Variants in HS6ST3 observed in about 807,000 individuals in gnomAD.
The protein encoded by HS6ST3 is heparan sulfate 6-O-sulfotransferase 3, also known as heparan-sulfate 6-O-sulfotransferase 3.
In HS6ST3, 12 loss-of-function variants were observed where a neutral mutation model predicts 36.7. The ratio of observed to expected loss-of-function variants is 0.33; its 90% CI spans 0.21 to 0.53. The LOEUF is 0.53. Among genes scored for constraint, HS6ST3 ranks in the 20% least tolerant of loss-of-function variants. The pLI is 0.95. For synonymous variants in HS6ST3, 240 were observed against 257.5 expected (o/e 0.93, Z 0.65); for missense variants, 584 against 640.9 (o/e 0.91, Z 0.96).
chr13:96,482,796 C>T (rs1170823958), intron 1 of HS6ST3, among the ~76,000 whole-genome samples: 4 of 152,186 alleles, frequency 2.6e-5, no homozygotes, highest in Admixed American at 2.0e-4. Context: ...TTAGTTGTTC[C>T]TAGCAGAGCC....
Position 96,260,258 on chromosome 13 carries a change from CCTTCCTTCCTTT to C in HS6ST3, c.707+168694_707+168705del, listed in dbSNP as rs548613914. 5.1e-3 allele frequency among the ~76,000 whole-genome samples: 490 copies of C among 96,440 alleles called. 5 individuals carry two copies. Among genetic ancestry groups the C allele is most frequent in the African/African-American group, 0.015 (468 of 30,300 alleles). The allele number at this position is 96,440 out of a possible 152,430, so 63.3% of individuals were successfully genotyped here. On this transcript the variant is annotated intron_variant, in intron 1 of 1. Coordinates refer to ENST00000376705, the MANE Select transcript of HS6ST3 (RefSeq NM_153456.4). ...TCCTTCCTTCCTTCCTTCCTTCCTT[CCTTCCTTCCTTT>C]CTTCTTTCCTCCCTCCCTCCCTCCC... is the stretch of plus-strand genomic sequence containing the variant.
At chr13:96,095,993 G>T (rs2139292154) in intron 1 of HS6ST3, among the ~76,000 whole-genome samples, 1 of 151,824 alleles carries the variant, frequency 6.6e-6, no homozygotes, top group Admixed American at 6.6e-5. Flanking sequence ...AATTGTAGGT[G>T]CAAATACATG....
At chr13:96,432,395 C>A (rs577166665) in intron 1 of HS6ST3, among the ~76,000 whole-genome samples, 2 of 152,226 alleles carry the variant, frequency 1.3e-5, no homozygotes, top group African/African-American at 4.8e-5. Flanking sequence ...TTTTAATTCT[C>A]TTATCCCATT....
chr13:96,705,448 G>T lies in HS6ST3; in HGVS notation c.708-127042G>T, dbSNP rs184655179. ...TATTCATGGGATACTGTGTATTTTG[G>T]CATATTTCTCTTCCTGGGAGCACTG... On this transcript the variant is annotated intron_variant, in intron 1 of 1. Transcript: ENST00000376705. Among the ~76,000 whole-genome samples, 9 of 152,110 alleles carry T rather than the reference G, an allele frequency of 5.9e-5. No individual in the cohort carries two copies. The East Asian group carries it at 1.5e-3, about 26-fold the overall frequency.
intron 1 of HS6ST3, among the ~76,000 whole-genome samples, chr13:96,611,792 G>T (rs963844869): frequency 1.4e-4 from 22 of 152,296 alleles, no homozygotes; most frequent in African/African-American, 5.1e-4. Context: ...CTTGGCTCAG[G>T]CAGAGTGAGC....
At chr13:96,569,736 G>T (rs912616647) in intron 1 of HS6ST3, among the ~76,000 whole-genome samples, 1 of 152,026 alleles carries the variant, frequency 6.6e-6, no homozygotes, top group African/African-American at 2.4e-5. Flanking sequence ...AGGAAATAAA[G>T]ACCAATTTGT....
intron 1 of HS6ST3, among the ~76,000 whole-genome samples, chr13:96,303,302 GAGA>G (rs1374024494): frequency 6.6e-6 from 1 of 152,194 alleles, no homozygotes; most frequent in Admixed American, 6.5e-5. Context: ...TGAAGAATCA[GAGA>G]AGCTTAGATC....
chr13:96,520,232 G>A (rs556535089), intron 1 of HS6ST3, among the ~76,000 whole-genome samples: 2 of 152,204 alleles, frequency 1.3e-5, no homozygotes, highest in Non-Finnish European at 2.9e-5. Flanking sequence ...TTTGGTACCA[G>A]TACCATGCTG....
chr13:96,725,982 C>T (rs759035676), intron 1 of HS6ST3, among the ~76,000 whole-genome samples: 2 of 152,018 alleles, frequency 1.3e-5, no homozygotes, highest in African/African-American at 2.4e-5. Flanking sequence ...CGATTACAGG[C>T]GCCCGCCACC....
intron 1 of HS6ST3, among the ~76,000 whole-genome samples, chr13:96,820,702 C>T (rs2138541769): frequency 6.6e-6 from 1 of 152,336 alleles, no homozygotes; most frequent in East Asian, 1.9e-4. Context: ...GACTTCAAAC[C>T]TATTTTCTTT....
chr13:96,421,787 T>C (rs1566356635), intron 1 of HS6ST3, among the ~76,000 whole-genome samples: 2 of 152,218 alleles, frequency 1.3e-5, no homozygotes, highest in Non-Finnish European at 2.9e-5. Flanking sequence ...ATTGTTTGTT[T>C]GCATATCTAT....
chr13:96,688,415 G>A (rs1446365844), intron 1 of HS6ST3, among the ~76,000 whole-genome samples: 1 of 151,866 alleles, frequency 6.6e-6, no homozygotes, highest in Non-Finnish European at 1.5e-5. Context: ...AGCTGAGCTG[G>A]TGGCGTGAAC....
intron 1 of HS6ST3, among the ~76,000 whole-genome samples, chr13:96,758,829 C>A (rs574008999): frequency 9.2e-5 from 14 of 151,986 alleles, no homozygotes; most frequent in African/African-American, 3.4e-4. Flanking sequence ...TGCATTCCAA[C>A]TGCTGTTGTT....
At chr13:96,258,660 A>C (rs2054649513) in intron 1 of HS6ST3, among the ~76,000 whole-genome samples, 2 of 152,178 alleles carry the variant, frequency 1.3e-5, no homozygotes, top group African/African-American at 4.8e-5. Flanking sequence ...TTGGTCATAC[A>C]GATCAATGCC....
intron 1 of HS6ST3, among the ~76,000 whole-genome samples, chr13:96,830,220 A>G (rs9556630): frequency 0.41 from 62,580 of 152,034 alleles, 13,390 homozygotes; most frequent in African/African-American, 0.52. Context: ...TGGTAGATTA[A>G]GTGTACTCAA....
chr13:96,730,549 G>A (rs1456455118), intron 1 of HS6ST3, among the ~76,000 whole-genome samples: 2 of 152,088 alleles, frequency 1.3e-5, no homozygotes, highest in African/African-American at 2.4e-5. Flanking sequence ...AGATAAAAGT[G>A]TGTGTATTTA....
chr13:96,510,952 T>G (rs1357179223), intron 1 of HS6ST3, among the ~76,000 whole-genome samples: 5 of 152,184 alleles, frequency 3.3e-5, no homozygotes, highest in Non-Finnish European at 7.3e-5. Flanking sequence ...TTTATGTTTC[T>G]GCATGTATCA....
At chr13:96,746,675 A>G (rs878998460) in intron 1 of HS6ST3, among the ~76,000 whole-genome samples, 2 of 152,120 alleles carry the variant, frequency 1.3e-5, no homozygotes, top group Non-Finnish European at 2.9e-5. Context: ...TTTTAAGTTA[A>G]AGATATAACA....
chr13:96,371,362 GTGTACAATGTGATGTTTTGATATACA>G (rs1318442450), intron 1 of HS6ST3, among the ~76,000 whole-genome samples: 7 of 152,032 alleles, frequency 4.6e-5, no homozygotes, highest in Admixed American at 3.9e-4. Context: ...TGTATTTAAG[GTGTACAATGTGATGTTTTGATATACA>G]TGTACAATGT....
Sources: allele counts gnomAD v4.1 joint callset (sites outside exome capture counted in the v4.1 genomes callset), GRCh38; gene constraint gnomAD v4.1.1; transcripts MANE v1.5; gene names NCBI Gene and HGNC (gene_info 2026-07-23, HGNC 2026-07-21).